Variants in ERMP1 observed in about 807,000 individuals in gnomAD.
ERMP1 encodes endoplasmic reticulum metallopeptidase 1, also known as Felix-ina.
ERMP1 carries 86 observed loss-of-function variants against 92.0 expected under a neutral mutation model. That is an observed-to-expected ratio of 0.93 (90% CI 0.79 to 1.12). The LOEUF (loss-of-function observed/expected upper bound fraction) is 1.12. Ranked by LOEUF, ERMP1 falls within the 50% of genes most tolerant of loss-of-function variation. The pLI, the probability that ERMP1 is intolerant of heterozygous loss-of-function variation, is 0.00. For synonymous variants in ERMP1, 530 were observed against 412.8 expected, an observed-to-expected ratio of 1.28 and a Z score of -3.44; for missense variants, 1,342 against 1,116.3, an observed-to-expected ratio of 1.20 and a Z score of -2.88.
At chr9:5,825,253 T>C (rs1173115740) in intron 2 of ERMP1, 34 bp from the exon 3 acceptor site, 1 of 1,595,848 alleles carries the variant, frequency 6.3e-7, no homozygotes, top group Admixed American at 1.8e-5. Flanking sequence ...GCTGCTCAGA[T>C]TTTAAAATGT....
At chr9:5,828,377 T>C (rs566933767) in intron 2 of ERMP1, among the ~76,000 whole-genome samples, 1 of 152,346 alleles carries the variant, frequency 6.6e-6, no homozygotes, top group South Asian at 2.1e-4. Context: ...AAGCAGGGTA[T>C]ACATTTACCA....
chr9:5,833,018 C>A lies in ERMP1; in HGVS notation c.10G>T (p.Gly4Cys), dbSNP rs1378009856. The A allele has an allele frequency of 1.3e-6, 2 of 1,539,224 alleles. No individual in the cohort carries two copies. The highest frequency in any genetic ancestry group is 2.4e-5 in the South Asian group (2 of 83,916). The change falls in exon 1 of 15, where the codon GGT (glycine) becomes TGT (cysteine). Residue 4 changes from glycine to cysteine, a missense_variant. By Grantham distance (159) the Gly-to-Cys change is radical. Coordinates refer to ENST00000339450, the MANE Select transcript of ERMP1 (RefSeq NM_024896.3). ...CGCCTCACAGCAGCCGACTCAGAAC[C>A]CCACTCCATGGCCACGAGCCTCAGC... MEW[G>C]SESAAVRRHR...
chr9:5,836,568 G>C (rs1365750540), upstream of ERMP1, among the ~76,000 whole-genome samples: 1 of 152,226 alleles, frequency 6.6e-6, no homozygotes, highest in Admixed American at 6.5e-5. Flanking sequence ...TGCTCACTGA[G>C]GTGGTATGAG....
chr9:5,864,198 T>C (rs1018485534), intron 5 of ERMP1, among the ~76,000 whole-genome samples: 4 of 152,226 alleles, frequency 2.6e-5, no homozygotes, highest in Non-Finnish European at 4.4e-5. Context: ...AGTTGAACAT[T>C]TTCCTCATAG....
intron 13 of ERMP1, among the ~76,000 whole-genome samples, chr9:5,791,773 CAT>C (rs763562626): frequency 1.9e-4 from 29 of 152,280 alleles, no homozygotes; most frequent in South Asian, 2.1e-4. Flanking sequence ...CAATTCAACA[CAT>C]GTCTTGAGTA....
chr9:5,791,732 G>A (rs1046931945), intron 13 of ERMP1, among the ~76,000 whole-genome samples: 3 of 152,134 alleles, frequency 2.0e-5, no homozygotes, highest in African/African-American at 7.2e-5. Flanking sequence ...CAAGTAGAAT[G>A]CTTTAAAAGA....
At chr9:5,812,238 A>G (rs762428704) in intron 5 of ERMP1, 21 bp from the exon 6 acceptor site, 4 of 1,406,562 alleles carry the variant, frequency 2.8e-6, no homozygotes, top group Non-Finnish European at 2.9e-6. Flanking sequence ...TATATAGAAA[A>G]AAAAAAGTCA....
intron 10 of ERMP1, among the ~76,000 whole-genome samples, chr9:5,801,592 G>A (rs537876556): frequency 6.6e-6 from 1 of 152,036 alleles, no homozygotes; most frequent in African/African-American, 2.4e-5. Flanking sequence ...AAACCAAGAG[G>A]GAAAAAGGAA....
chr9:5,827,788 G>T (rs903859001), intron 2 of ERMP1, among the ~76,000 whole-genome samples: 11 of 152,050 alleles, frequency 7.2e-5, no homozygotes, highest in Admixed American at 1.3e-4. Context: ...CTGCAGTCTG[G>T]CGTGGGCGAG....
chr9:5,801,145 G>A (rs184918974), intron 11 of ERMP1, 31 bp downstream of exon 11: 2 of 1,585,452 alleles, frequency 1.3e-6, no homozygotes, highest in Admixed American at 3.7e-5. Flanking sequence ...TTCCTTTCCA[G>A]ATCTCAAATA....
chr9:5,820,253 C>T (rs564045867), intron 4 of ERMP1, among the ~76,000 whole-genome samples: 3 of 152,252 alleles, frequency 2.0e-5, no homozygotes, highest in Admixed American at 1.3e-4. Context: ...GAGCTGAGAT[C>T]GCGTCACTGC....
intron 8 of ERMP1, among the ~76,000 whole-genome samples, chr9:5,808,379 A>G (rs10975293): frequency 0.35 from 52,996 of 152,158 alleles, 10,736 homozygotes; most frequent in East Asian, 0.75. Flanking sequence ...GCCCCACGGT[A>G]TAATTCTTTT....
chr9:5,800,860 T>C (rs1222257201), intron 11 of ERMP1, among the ~76,000 whole-genome samples: 1 of 152,242 alleles, frequency 6.6e-6, no homozygotes, highest in Non-Finnish European at 1.5e-5. Context: ...ATTTTTACAA[T>C]CTATATTTCT....
rs1234937879 is a variant in ERMP1, at chr9:5,832,883, T to C, written c.145A>G (p.Thr49Ala). 8 of 1,534,828 alleles carry C rather than the reference T, an allele frequency of 5.2e-6. No homozygotes were observed. In the South Asian group the frequency reaches 9.6e-5, roughly 18 times the overall value. ...LVDGCSGGGR[T>A]RKRSPGGSGG... is the part of the protein sequence containing the mutation. ...CTACCCCCGGGGCTCCTCTTCCGCGTCCTCCCGCCGCCGCTGCACCCATCC... is the reference window on the plus strand; with the variant it reads ...CTACCCCCGGGGCTCCTCTTCCGCGCCCTCCCGCCGCCGCTGCACCCATCC... Residue 49 changes from threonine to alanine, a missense_variant, in exon 1 of 15, where the codon ACG becomes GCG. Coordinates refer to ENST00000339450, the MANE Select transcript of ERMP1 (RefSeq NM_024896.3).
rs751526437 is a variant in ERMP1 at position 5,812,142 on chromosome 9, T to C, written c.1097A>G (p.Asp366Gly). The C allele has an allele frequency of 6.2e-7, 1 of 1,606,048 alleles. No individual in the cohort carries two copies. The highest frequency in any genetic ancestry group is 1.7e-5 in the Admixed American group (1 of 58,808). Reference protein sequence around the residue: ...KYDTADRILTDSIQRAGDNIL... With the variant: ...KYDTADRILTGSIQRAGDNIL... Reference sequence around the variant, plus strand: ...ATACCAACCTGCTCTCTGAATGGAATCTGTTAGAATTCTGTCCGCTGTGTC... The same window carrying C: ...ATACCAACCTGCTCTCTGAATGGAACCTGTTAGAATTCTGTCCGCTGTGTC... Residue 366 changes from aspartate (D) to glycine (G), a missense_variant, in exon 6 of 15, where the codon GAT becomes GGT. Asp to Gly is a moderately conservative substitution (Grantham distance 94). Coordinates refer to ENST00000339450, the MANE Select transcript of ERMP1 (RefSeq NM_024896.3).
chr9:5,831,130 T>A (rs549607045), intron 1 of ERMP1, 102 bp from the exon 2 acceptor site: 2 of 828,936 alleles, frequency 2.4e-6, no homozygotes, highest in East Asian at 2.5e-5. Flanking sequence ...AAAAGCTTAG[T>A]TCTTTGCCTT....
chr9:5,838,534 A>AG (rs1830120282), intron 6 of ERMP1, among the ~76,000 whole-genome samples: 1 of 151,792 alleles, frequency 6.6e-6, no homozygotes, highest in South Asian at 2.1e-4. Flanking sequence ...CTGTATCAAA[A>AG]AAAAAAAAGA....
At chr9:5,824,479 C>A (rs1215770022) in intron 3 of ERMP1, among the ~76,000 whole-genome samples, 1 of 152,140 alleles carries the variant, frequency 6.6e-6, no homozygotes, top group Non-Finnish European at 1.5e-5. Context: ...CTCGGATCAC[C>A]GCAATCTCCA....
intron 5 of ERMP1, among the ~76,000 whole-genome samples, chr9:5,860,142 A>AG (rs1347626016): frequency 6.6e-6 from 1 of 151,088 alleles, no homozygotes; most frequent in Non-Finnish European, 1.5e-5. Flanking sequence ...ACCAAAAAAA[A>AG]AAAAAAGTTT....
Sources: gnomAD v4.1 joint callset for allele counts (sites outside exome capture counted in the v4.1 genomes callset) on GRCh38, gnomAD v4.1.1 for gene constraint, MANE v1.5 for transcripts, NCBI Gene and HGNC (gene_info 2026-07-23, HGNC 2026-07-21) for gene names.